Variants in SGSM3 observed in about 807,000 individuals in gnomAD.
SGSM3 encodes the protein small G protein signaling modulator 3.
SGSM3 carries 96 observed loss-of-function variants against 100.5 expected under a neutral mutation model. The ratio of observed to expected loss-of-function variants is 0.96; its 90% CI spans 0.81 to 1.13. SGSM3 has a LOEUF of 1.13. Ranked by LOEUF, SGSM3 falls within the 50% of genes most tolerant of loss-of-function variation. The probability of loss-of-function intolerance (pLI) is 0.00; values close to 1 mark genes in which losing one functional copy is unlikely to be tolerated. For synonymous variants in SGSM3, 483 were observed against 422.8 expected (o/e 1.14, Z -1.75); for missense variants, 1,001 against 1,015.8 (o/e 0.99, Z 0.20).
rs966988552 is a variant in SGSM3 at position 40,408,913 on chromosome 22, G to A, written c.1903-20G>A. On this transcript the variant is annotated intron_variant, in intron 18 of 21. Transcript: ENST00000248929. ...AGCCTGTGGGGGAGCCTGAGTGACAGCTGACGGTGCCGTTCCCAGGCTGTG... is the reference window on the plus strand; with the variant it reads ...AGCCTGTGGGGGAGCCTGAGTGACAACTGACGGTGCCGTTCCCAGGCTGTG... 6.2e-7 allele frequency: 1 copy of A among 1,613,758 alleles called. No homozygotes were observed. The highest frequency in any genetic ancestry group is 1.3e-5 in the African/African-American group (1 of 75,056).
rs773553225 is a variant in SGSM3 at position 40,404,428 on chromosome 22, C to T, written c.339C>T (p.Ala113=). ...RSEKLRSLVL[A]GIPHGMRPQL... is the part of the protein sequence containing the mutation. ...AGAAGCTCCGCTCCCTGGTGCTGGC[C>T]GGCATCCCACATGGCATGAGGCCAC... The change falls in exon 5 of 22, where the codon GCC becomes GCT. Residue 113 remains alanine (A), a synonymous_variant. Coordinates refer to ENST00000248929, the MANE Select transcript of SGSM3 (RefSeq NM_015705.6). The T allele has an allele frequency of 6.9e-6, 11 of 1,604,936 alleles. No individual in the cohort carries two copies. Among genetic ancestry groups the T allele is most frequent in the Middle Eastern group, 1.7e-4 (1 of 6,036 alleles).
chr22:40,383,377 G>A (rs2047892898), intron 1 of SGSM3, among the ~76,000 whole-genome samples: 1 of 151,440 alleles, frequency 6.6e-6, no homozygotes, highest in Non-Finnish European at 1.5e-5. Flanking sequence ...TAAGGCAGGA[G>A]AATGGCGTGA....
chr22:40,382,577 AT>A (rs2047743435), intron 1 of SGSM3, among the ~76,000 whole-genome samples: 1 of 152,162 alleles, frequency 6.6e-6, no homozygotes, highest in African/African-American at 2.4e-5. Flanking sequence ...AATGCATGAC[AT>A]TTTTATGACA....
chr22:40,404,142 C>A, intron 4 of SGSM3, 105 bp from the exon 5 acceptor site: 4 of 947,234 alleles, frequency 4.2e-6, no homozygotes, highest in African/African-American at 1.6e-5. Flanking sequence ...AGAGAGCTGG[C>A]CTAGAGCCAT....
chr22:40,379,370 C>G (rs2047191548), intron 1 of SGSM3: 1 of 152,632 alleles, frequency 6.6e-6, no homozygotes, highest in African/African-American at 2.4e-5. Flanking sequence ...TGTTGCTTCC[C>G]TTACTCGCTG....
intron 1 of SGSM3, chr22:40,387,174 AGTGTGAT>A (rs2048606620): frequency 2.5e-6 from 1 of 398,542 alleles, no homozygotes; most frequent in East Asian, 3.6e-5. Flanking sequence ...TGTGCTTAGC[AGTGTGAT>A]GAATGCTTAA....
chr22:40,407,710 G>T lies in SGSM3; in HGVS notation c.1525-79G>T. ...GGGGTCTTGGCCTGGCCTAGTTGCT[G>T]AGGAGTCATATCGGGGGTGCAGGAG... On this transcript the variant is annotated intron_variant, in intron 13 of 21. Transcript: ENST00000248929. This position sits in a 1 kb window ranked among gnomAD's most constrained non-coding sequence, Gnocchi z 4.7. 6.3e-7 allele frequency: 1 copy of T among 1,589,286 alleles called. No homozygotes were observed. Among genetic ancestry groups the T allele is most frequent in the South Asian group, 1.1e-5 (1 of 90,550 alleles).
At chr22:40,399,043 G>C (rs2050396259) in intron 1 of SGSM3, among the ~76,000 whole-genome samples, 1 of 139,694 alleles carries the variant, frequency 7.2e-6, no homozygotes, top group Non-Finnish European at 1.5e-5. Context: ...GAGGGCAGTG[G>C]TGCGATCTTG....
Position 40,406,432 on chromosome 22 carries a change from G to A in SGSM3, c.961-6G>A. 6.4e-7 allele frequency: 1 copy of A among 1,568,884 alleles called. No individual in the cohort carries two copies. The highest frequency in any genetic ancestry group is 8.7e-7 in the Non-Finnish European group (1 of 1,153,538). ...TCTTCCCCCATCCTGCCCTGGCATG[G>A]CCCAGGAGGAAGAGCTGATCCAGTC... On this transcript the variant is annotated splice_region_variant and splice_polypyrimidine_tract_variant and intron_variant, in intron 9 of 21. Coordinates refer to ENST00000248929, the MANE Select transcript of SGSM3 (RefSeq NM_015705.6).
intron 1 of SGSM3, among the ~76,000 whole-genome samples, chr22:40,393,720 G>A (rs1387553643): frequency 1.3e-5 from 2 of 152,202 alleles, no homozygotes; most frequent in Non-Finnish European, 2.9e-5. Flanking sequence ...GGGAGGCTCG[G>A]AAGTCCAAGC....
rs569700304 is a variant in SGSM3 at position 40,400,684 on chromosome 22, C to A, written c.-111-12C>A. On this transcript the variant is annotated splice_polypyrimidine_tract_variant and intron_variant, in intron 1 of 21. Coordinates refer to ENST00000248929, the MANE Select transcript of SGSM3 (RefSeq NM_015705.6). ...AAAAATAGAATGACTTTCCTCTTTT[C>A]TCTTCTAACAGGGCAGATGATTCTG... The A allele has an allele frequency of 7.4e-6, 7 of 949,264 alleles. No individual in the cohort carries two copies. The South Asian group carries it at 9.1e-5, about 12-fold the overall frequency. The allele number at this position is 949,264 out of a possible 1,614,324, so 58.8% of individuals were successfully genotyped here. A position where few individuals can be genotyped will look rare whatever the true frequency, so the allele number is the denominator to read the frequency against.
intron 21 of SGSM3, 67 bp downstream of exon 21, chr22:40,409,592 A>G: frequency 6.2e-7 from 1 of 1,613,358 alleles, no homozygotes. Context: ...GGGGTGGCTA[A>G]GGTGGGAACC....
At position 40,405,777 on chromosome 22, in the gene SGSM3, G is replaced by A. The variant is rs1569210361; in HGVS notation, c.747G>A (p.Arg249=). 2.5e-6 allele frequency: 4 copies of A among 1,613,668 alleles called. No individual in the cohort carries two copies. The Admixed American group carries it at 6.7e-5, about 27-fold the overall frequency. The change falls in exon 8 of 22, where the codon CGG becomes CGA. Residue 249 remains arginine, a synonymous_variant. Coordinates refer to ENST00000248929, the MANE Select transcript of SGSM3 (RefSeq NM_015705.6). ...TTLLGVQTDQ[R]VLRHLIVQYL... is the part of the protein sequence containing the mutation. ...TGCTGGGTGTCCAGACTGACCAGCG[G>A]GTCCTGCGCCACCTCATTGTCCAGT... is the stretch of plus-strand genomic sequence containing the variant.
At chr22:40,404,528 T>C (rs868396040) in intron 5 of SGSM3, 29 bp from the exon 6 acceptor site, 14 of 1,611,012 alleles carry the variant, frequency 8.7e-6, no homozygotes, top group Middle Eastern at 1.7e-4. Flanking sequence ...CGAGAAAGAC[T>C]GAGTGCCCTT....
At position 40,380,385 on chromosome 22, in the gene SGSM3, G is replaced by A. The variant is rs568548978; in HGVS notation, c.-112+9697G>A. 2.6e-3 allele frequency among the ~76,000 whole-genome samples: 266 copies of A among 102,474 alleles called. 1 individual carries two copies. The highest frequency in any genetic ancestry group is 4.9e-3 in the Admixed American group (42 of 8,588). 67.2% of individuals were successfully genotyped at this position (102,474 alleles called of 152,430 possible). The stretch of plus-strand genomic sequence containing the variant: ...TATAATTTTTTTTTTTTTTTTTCCT[G>A]AGACAGGGTCTCACTCTGTCACCCA... On this transcript the variant is annotated intron_variant, in intron 1 of 21. Coordinates refer to ENST00000248929, the MANE Select transcript of SGSM3 (RefSeq NM_015705.6).
chr22:40,388,455 C>G (rs552842167), intron 1 of SGSM3, among the ~76,000 whole-genome samples: 1 of 152,094 alleles, frequency 6.6e-6, no homozygotes, highest in Non-Finnish European at 1.5e-5. Context: ...GCATTGGAGG[C>G]AAGTGCGAGG....
At position 40,401,573 on chromosome 22, in the gene SGSM3, C is replaced by T. The variant is rs777281427; in HGVS notation, c.8-20C>T. On this transcript the variant is annotated intron_variant, in intron 2 of 21. Transcript: ENST00000248929. Reference sequence around the variant, plus strand: ...CCTCTGCATTTTCTTGATTGTTCTCCTGGTCCTCTTTGGTTTTAGGAAGCC... The same window carrying T: ...CCTCTGCATTTTCTTGATTGTTCTCTTGGTCCTCTTTGGTTTTAGGAAGCC... 2.3e-5 allele frequency: 37 copies of T among 1,601,132 alleles called. No homozygotes were observed. The highest frequency in any genetic ancestry group is 3.1e-5 in the Non-Finnish European group (36 of 1,169,190).
chr22:40,396,592 CAAAAAAAAAAAA>C (rs778373023), intron 1 of SGSM3, among the ~76,000 whole-genome samples: 11 of 44,450 alleles, frequency 2.5e-4, no homozygotes, highest in Admixed American at 6.1e-4. Context: ...GACTCTGTCT[CAAAAAAAAAAAA>C]AAAAAAAAAA....
chr22:40,397,832 C>T (rs547100033), intron 1 of SGSM3, among the ~76,000 whole-genome samples: 2 of 152,318 alleles, frequency 1.3e-5, no homozygotes, highest in East Asian at 3.9e-4. Flanking sequence ...GTCCCTAACC[C>T]ATATTCTAAA....
Sources: gnomAD v4.1 joint callset for allele counts (sites outside exome capture counted in the v4.1 genomes callset) on GRCh38, gnomAD v4.1.1 for gene constraint, Gnocchi (gnomAD v3.1) non-coding constraint, MANE v1.5 for transcripts, NCBI Gene and HGNC (gene_info 2026-07-23, HGNC 2026-07-21) for gene names.